The following CYP4Z1 variants were observed in gnomAD, a reference collection of about 807,000 sequenced individuals.
The protein encoded by CYP4Z1 is cytochrome P450 4Z1.
In CYP4Z1, 41 loss-of-function variants were observed where a neutral mutation model predicts 54.2. The ratio of observed to expected loss-of-function variants is 0.76; its 90% confidence interval spans 0.59 to 0.98. CYP4Z1 has a LOEUF of 0.98. Among genes scored for constraint, CYP4Z1 ranks in the 50% least tolerant of loss-of-function variants. CYP4Z1 has a pLI of 0.00. For missense variants in CYP4Z1, 513 were observed against 599.0 expected, an observed-to-expected ratio of 0.86 and a Z score of 1.50; for synonymous variants, 163 against 206.2, an observed-to-expected ratio of 0.79 and a Z score of 1.79.
rs1644844100 is a variant in CYP4Z1, at chr1:47,118,082, A to G, written c.*148A>G. 3 of 831,268 alleles carry G rather than the reference A, an allele frequency of 3.6e-6. No individual in the cohort carries two copies. The Admixed American group carries it at 9.9e-5, about 27-fold the overall frequency. 51.5% of individuals were successfully genotyped at this position (831,268 alleles called of 1,614,324 possible). On this transcript the variant is annotated 3_prime_UTR_variant, in exon 12 of 12. Transcript: ENST00000334194. ...TTCTGACTGGTTTTGACATCCATTA[A>G]CAGTAATTTTAATTTCTTTGCTGTA...
chr1:47,105,865 T>C (rs958012679), intron 8 of CYP4Z1, among the ~76,000 whole-genome samples: 2 of 152,070 alleles, frequency 1.3e-5, no homozygotes, highest in Non-Finnish European at 1.5e-5. Flanking sequence ...TGTGTGATAC[T>C]GGTCACAGGA....
intron 9 of CYP4Z1, among the ~76,000 whole-genome samples, chr1:47,107,651 A>C (rs939875173): frequency 1.3e-5 from 2 of 152,060 alleles, no homozygotes; most frequent in Admixed American, 6.6e-5. Flanking sequence ...TTTCAACATC[A>C]ATAAAATGAT....
chr1:47,082,257 A>G, intron 3 of CYP4Z1, 77 bp from the exon 4 acceptor site: 2 of 1,513,934 alleles, frequency 1.3e-6, no homozygotes, highest in Non-Finnish European at 1.8e-6. Context: ...ATAGATAGGG[A>G]ATTGCTCACT....
rs111492724 is a variant in CYP4Z1 at position 47,072,935 on chromosome 1, G to A, written c.319+4172G>A. Among the ~76,000 whole-genome samples, 757 of 152,170 alleles carry A rather than the reference G, an allele frequency of 5.0e-3. 13 individuals are homozygous for A. The highest frequency in any genetic ancestry group is 0.017 in the African/African-American group (706 of 41,396). On this transcript the variant is annotated intron_variant, in intron 2 of 11. Transcript: ENST00000334194. ...AGGCATTGTCTTTTATGTGTGTGTGGCAAAATACACATAAGGTTTGCCATT... is the reference window on the plus strand; with the variant it reads ...AGGCATTGTCTTTTATGTGTGTGTGACAAAATACACATAAGGTTTGCCATT...
upstream of CYP4Z1, among the ~76,000 whole-genome samples, chr1:47,066,785 C>A (rs937623945): frequency 6.6e-6 from 1 of 151,984 alleles, no homozygotes; most frequent in Non-Finnish European, 1.5e-5. Context: ...CCAAAAAGCT[C>A]CTACAGGATG....
At position 47,094,631 on chromosome 1, in the gene CYP4Z1, A is replaced by C. The variant is rs749237746; in HGVS notation, c.838A>C (p.Arg280=). ...GCTAAAACAAGATACTACTCAGAAA[A>C]GGCGCTGGGATTTTCTGGACATACT... The part of the protein sequence containing the change: ...DKLKQDTTQK[R]RWDFLDILLS... The change falls in exon 7 of 12, where the codon AGG becomes CGG. Residue 280 remains arginine, a synonymous_variant. Transcript: ENST00000334194. 6.2e-6 allele frequency: 10 copies of C among 1,611,398 alleles called. No homozygotes were observed. In the African/African-American group the frequency reaches 9.4e-5, roughly 15 times the overall value.
chr1:47,096,753 C>T (rs1569736170), intron 7 of CYP4Z1: 1 of 152,020 alleles, frequency 6.6e-6, no homozygotes, highest in Non-Finnish European at 1.5e-5. Flanking sequence ...CTCAGCCTCC[C>T]AAGTTGCAGG....
intron 10 of CYP4Z1, among the ~76,000 whole-genome samples, chr1:47,116,425 A>G (rs1424417167): frequency 6.6e-6 from 1 of 152,132 alleles, no homozygotes; most frequent in African/African-American, 2.4e-5. Context: ...GGCCTGTTTA[A>G]TCTATCACTA....
chr1:47,064,245 G>C (rs889245463), upstream of CYP4Z1, among the ~76,000 whole-genome samples: 1 of 151,838 alleles, frequency 6.6e-6, no homozygotes, highest in Non-Finnish European at 1.5e-5. Context: ...CCACACGCCT[G>C]GCTAATTTTT....
chr1:47,063,965 G>C (rs893780850), upstream of CYP4Z1, among the ~76,000 whole-genome samples: 3 of 151,934 alleles, frequency 2.0e-5, no homozygotes, highest in African/African-American at 4.8e-5. Flanking sequence ...CAAGATGAAG[G>C]AAAGAATCTT....
At chr1:47,067,122 G>C (rs114003726), upstream of CYP4Z1, among the ~76,000 whole-genome samples, 1,845 of 152,242 alleles carry the variant, frequency 0.012, 15 homozygotes, top group Middle Eastern at 0.044. Flanking sequence ...AAAGAACAGA[G>C]AATGAGAGTG....
At chr1:47,113,866 C>T (rs1357718427) in intron 9 of CYP4Z1, among the ~76,000 whole-genome samples, 1 of 152,190 alleles carries the variant, frequency 6.6e-6, no homozygotes, top group Admixed American at 6.5e-5. Context: ...AATGGCCATA[C>T]TGCCCAAGGT....
intron 8 of CYP4Z1, among the ~76,000 whole-genome samples, chr1:47,104,923 T>G (rs929112572): frequency 2.3e-4 from 35 of 151,904 alleles, no homozygotes; most frequent in African/African-American, 8.0e-4. Flanking sequence ...GCTGCTTTTT[T>G]TTTTGAGGCG....
intron 9 of CYP4Z1, 63 bp downstream of exon 9, chr1:47,106,324 T>C (rs4926804): frequency 0.39 from 590,704 of 1,524,046 alleles, 128,617 homozygotes; most frequent in East Asian, 0.98. Flanking sequence ...TGTCTTAACA[T>C]ACTCATGTCT....
chr1:47,059,297 A>G, the CYP4Z1 span, among the ~76,000 whole-genome samples: 1 of 152,210 alleles, frequency 6.6e-6, no homozygotes, highest in Non-Finnish European at 1.5e-5. Context: ...AAGCAAAATA[A>G]GTTGCAGCTA....
chr1:47,061,045 T>C, the CYP4Z1 span, among the ~76,000 whole-genome samples: 1 of 152,050 alleles, frequency 6.6e-6, no homozygotes, highest in Admixed American at 6.6e-5. Flanking sequence ...GGGACAGAAC[T>C]AACAGTGTTA....
At chr1:47,114,700 C>T (rs1305970895) in intron 9 of CYP4Z1, among the ~76,000 whole-genome samples, 3 of 152,190 alleles carry the variant, frequency 2.0e-5, no homozygotes, top group African/African-American at 7.2e-5. Context: ...AAAAAATGCT[C>T]ATCATCACTG....
At chr1:47,065,108 G>T (rs1329454808), upstream of CYP4Z1, among the ~76,000 whole-genome samples, 1 of 152,100 alleles carries the variant, frequency 6.6e-6, no homozygotes, top group African/African-American at 2.4e-5. Flanking sequence ...TCCATGGACA[G>T]CACTAGACCG....
chr1:47,068,497 G>T, intron 1 of CYP4Z1, 125 bp from the exon 2 acceptor site: 2 of 1,271,422 alleles, frequency 1.6e-6, no homozygotes, highest in Non-Finnish European at 1.1e-6. Context: ...GCCTTCAACA[G>T]ATGTGAACCT....
Sources: gnomAD v4.1 joint callset for allele counts (sites outside exome capture counted in the v4.1 genomes callset) on GRCh38, gnomAD v4.1.1 for gene constraint, MANE v1.5 for transcripts, NCBI Gene and HGNC (gene_info 2026-07-23, HGNC 2026-07-21) for gene names.